KIF26B: variants seen among roughly 807,000 people sequenced by gnomAD.
KIF26B encodes the protein kinesin-like protein KIF26B.
In KIF26B, 63 loss-of-function variants were observed where a neutral mutation model predicts 151.2. The observed-to-expected ratio is 0.42, with a 90% CI of 0.34 to 0.51. The LOEUF is 0.51. KIF26B is among the 20% of genes least tolerant of loss of function. KIF26B has a pLI of 0.07. For synonymous variants in KIF26B, 1,357 were observed against 1,262.1 expected, an observed-to-expected ratio of 1.08 and a Z score of -1.59; for missense variants, 2,813 against 2,913.6, an observed-to-expected ratio of 0.97 and a Z score of 0.79.
intron 5 of KIF26B, among the ~76,000 whole-genome samples, chr1:245,588,873 CTG>C (rs562321116): frequency 1.2e-3 from 179 of 152,246 alleles, no homozygotes; most frequent in African/African-American, 4.1e-3. Flanking sequence ...ATTGGGGTAA[CTG>C]TGGGCAGTTA....
intron 2 of KIF26B, among the ~76,000 whole-genome samples, chr1:245,344,257 A>C (rs1171244556): frequency 2.2e-5 from 3 of 137,828 alleles, no homozygotes; most frequent in South Asian, 2.3e-4. Flanking sequence ...TCCTTTCTTT[A>C]TTTTTCTTCC....
chr1:245,367,123 G>C lies in KIF26B; in HGVS notation c.755G>C (p.Cys252Ser), dbSNP rs780009420. 6.3e-7 allele frequency: 1 copy of C among 1,594,956 alleles called. No individual in the cohort carries two copies. The highest frequency in any genetic ancestry group is 2.3e-5 in the East Asian group (1 of 43,578). ...GACTGGGCCTTTGTGCCCGCCCCCTGTGCCACCTCCAACTACACAGGCTTC... is the reference window on the plus strand; with the variant it reads ...GACTGGGCCTTTGTGCCCGCCCCCTCTGCCACCTCCAACTACACAGGCTTC... Reference protein sequence around the residue: ...PRDWAFVPAPCATSNYTGFAN... With the variant: ...PRDWAFVPAPSATSNYTGFAN... Residue 252 changes from cysteine (C) to serine (S), a missense_variant, in exon 3 of 15, where the codon TGT becomes TCT. Cys to Ser is a moderately radical substitution (Grantham distance 112). Coordinates refer to ENST00000407071, the MANE Select transcript of KIF26B (RefSeq NM_018012.4). The surrounding 1 kb of genome is among the most constrained non-coding windows in gnomAD (Gnocchi z 4.2).
In KIF26B at chr1:245,564,390, C is replaced by T. The variant is rs916152660; in HGVS notation, c.1350+23440C>T. On this transcript the variant is annotated intron_variant, in intron 5 of 14. Coordinates refer to ENST00000407071, the MANE Select transcript of KIF26B (RefSeq NM_018012.4). The surrounding 1 kb of genome is among the most constrained non-coding windows in gnomAD (Gnocchi z 4.6). ...GACCTTTCCCGGAGCAGGAACGGGG[C>T]CACGGCCGTGTTTGCATTTTCTGAA... Among the ~76,000 whole-genome samples the T allele has an allele frequency of 6.6e-6, 1 of 151,960 alleles. No homozygotes were observed. The highest frequency in any genetic ancestry group is 2.4e-5 in the African/African-American group (1 of 41,410).
chr1:245,518,779 AT>A (rs1287336561), intron 4 of KIF26B, among the ~76,000 whole-genome samples: 1 of 152,216 alleles, frequency 6.6e-6, no homozygotes, highest in Non-Finnish European at 1.5e-5. Flanking sequence ...GAGCAATAGC[AT>A]TTCAGAGCTG....
intron 2 of KIF26B, among the ~76,000 whole-genome samples, chr1:245,347,593 C>T (rs1404243625): frequency 1.3e-5 from 2 of 152,196 alleles, no homozygotes; most frequent in East Asian, 1.9e-4. Context: ...GGATAGCAGG[C>T]GTGAGCCACT....
chr1:245,681,243 T>A (rs2044433625), intron 10 of KIF26B, among the ~76,000 whole-genome samples: 1 of 150,580 alleles, frequency 6.6e-6, no homozygotes, highest in African/African-American at 2.4e-5. Flanking sequence ...AGAGTCTCGC[T>A]CTGTCGCCCA....
chr1:245,544,397 T>C (rs1384773870), intron 5 of KIF26B, among the ~76,000 whole-genome samples: 1 of 152,152 alleles, frequency 6.6e-6, no homozygotes, highest in African/African-American at 2.4e-5. Flanking sequence ...ACGCTTGAGA[T>C]GGCCCTGAAG....
chr1:245,430,038 A>C (rs1230812213), intron 4 of KIF26B, among the ~76,000 whole-genome samples: 1 of 152,250 alleles, frequency 6.6e-6, no homozygotes, highest in African/African-American at 2.4e-5. Context: ...GACTCACTGA[A>C]GGCCAGCAAG....
chr1:245,533,758 G>C (rs749666561), intron 4 of KIF26B, among the ~76,000 whole-genome samples: 1 of 151,572 alleles, frequency 6.6e-6, no homozygotes, highest in Non-Finnish European at 1.5e-5. Flanking sequence ...ACAATCCAGG[G>C]TAATAGTCTG....
intron 2 of KIF26B, among the ~76,000 whole-genome samples, chr1:245,187,191 A>G (rs1669015375): frequency 6.6e-6 from 1 of 152,216 alleles, no homozygotes; most frequent in East Asian, 1.9e-4. Context: ...AATTCTCTAG[A>G]AGAAAAGATG....
At chr1:245,158,349 C>A (rs928358605) in intron 2 of KIF26B, among the ~76,000 whole-genome samples, 1 of 152,192 alleles carries the variant, frequency 6.6e-6, no homozygotes, top group Non-Finnish European at 1.5e-5. Context: ...ACGCATCCAT[C>A]ATGTTTTATG....
chr1:245,640,122 G>GCGCTCTCTCTCTCT (rs1553299290), intron 9 of KIF26B, among the ~76,000 whole-genome samples: 2 of 53,974 alleles, frequency 3.7e-5, no homozygotes, highest in Admixed American at 2.2e-4. Flanking sequence ...ACTAATATTT[G>GCGCTCTCTCTCTCT]CTCTCTCTCT....
chr1:245,634,224 CTTT>C (rs973439636), intron 9 of KIF26B, among the ~76,000 whole-genome samples: 1 of 152,184 alleles, frequency 6.6e-6, no homozygotes, highest in Non-Finnish European at 1.5e-5. Flanking sequence ...GTTCTAGTAC[CTTT>C]TTTGTGGATT....
At chr1:245,521,049 A>G (rs933493500) in intron 4 of KIF26B, among the ~76,000 whole-genome samples, 2 of 152,176 alleles carry the variant, frequency 1.3e-5, no homozygotes, top group Non-Finnish European at 2.9e-5. Flanking sequence ...TTAAAAAGCA[A>G]TAAACAGGCT....
At chr1:245,397,117 G>A (rs552535376) in intron 3 of KIF26B, among the ~76,000 whole-genome samples, 23 of 149,682 alleles carry the variant, frequency 1.5e-4, no homozygotes, top group Non-Finnish European at 2.4e-4. Context: ...GCGCCACCAC[G>A]CCCAGCTAAT....
At chr1:245,173,615 G>A (rs1019659704) in intron 2 of KIF26B, among the ~76,000 whole-genome samples, 1 of 152,172 alleles carries the variant, frequency 6.6e-6, no homozygotes, top group Non-Finnish European at 1.5e-5. Flanking sequence ...GGGCCGGGGA[G>A]GCTGTGGTCC....
At chr1:245,545,102 A>ATTT (rs58563353) in intron 5 of KIF26B, among the ~76,000 whole-genome samples, 1 of 139,208 alleles carries the variant, frequency 7.2e-6, no homozygotes, top group Non-Finnish European at 1.6e-5. Context: ...ATACACAGCA[A>ATTT]TTTTTTTTTT....
rs1004526464 is a variant in KIF26B at position 245,358,598 on chromosome 1, A to G, written c.466-8236A>G. On this transcript the variant is annotated intron_variant, in intron 2 of 14. Coordinates refer to ENST00000407071, the MANE Select transcript of KIF26B (RefSeq NM_018012.4). The surrounding 1 kb of genome is among the most constrained non-coding windows in gnomAD (Gnocchi z 4.1). ...GAATATGAAGTCAATTAAAAGAAAA[A>G]GAAACATTAAGCAATTTTATAATTA... Among the ~76,000 whole-genome samples the G allele has an allele frequency of 6.6e-6, 1 of 152,252 alleles. No homozygotes were observed. Among genetic ancestry groups the G allele is most frequent in the African/African-American group, 2.4e-5 (1 of 41,478 alleles).
rs370638450 is a variant in KIF26B at position 245,561,426 on chromosome 1, G to A, written c.1350+20476G>A. Among the ~76,000 whole-genome samples, 152 of 152,246 alleles carry A rather than the reference G, an allele frequency of 1.0e-3. 2 individuals are homozygous for A. The South Asian group carries it at 0.03, about 30-fold the overall frequency. On this transcript the variant is annotated intron_variant, in intron 5 of 14. Transcript: ENST00000407071. Reference sequence around the variant, plus strand: ...TAGGTTAGGAAACTGTTTTCTAAGGGGCCAGGTTGGGTCACTCTTTGTGAC... The same window carrying A: ...TAGGTTAGGAAACTGTTTTCTAAGGAGCCAGGTTGGGTCACTCTTTGTGAC...
Sources: gnomAD v4.1 joint callset for allele counts (sites outside exome capture counted in the v4.1 genomes callset) on GRCh38, gnomAD v4.1.1 for gene constraint, Gnocchi (gnomAD v3.1) non-coding constraint, MANE v1.5 for transcripts, NCBI Gene and HGNC (gene_info 2026-07-23, HGNC 2026-07-21) for gene names.